The following BNC2 variants were observed in gnomAD, a reference collection of about 807,000 sequenced individuals.
BNC2 encodes the protein zinc finger protein basonuclin-2.
A neutral mutation model predicts 76.3 loss-of-function variants in BNC2; 20 were observed. That is an observed-to-expected ratio of 0.26 (90% confidence interval 0.18 to 0.38). The LOEUF (loss-of-function observed/expected upper bound fraction) is 0.38, where lower values mean the gene tolerates loss of function less well. Among genes scored for constraint, BNC2 ranks in the 10% least tolerant of loss-of-function variants. The pLI is 1.00. For synonymous variants in BNC2, 582 were observed against 514.8 expected, an observed-to-expected ratio of 1.13 and a Z score of -1.77; for missense variants, 1,382 against 1,399.8, an observed-to-expected ratio of 0.99 and a Z score of 0.20.
intron 6 of BNC2, among the ~76,000 whole-genome samples, chr9:16,420,873 C>T (rs1341564692): frequency 2.0e-5 from 3 of 152,108 alleles, no homozygotes; most frequent in Non-Finnish European, 4.4e-5. Flanking sequence ...TGCAAAGGCT[C>T]ACATGTTCAA....
intron 5 of BNC2, among the ~76,000 whole-genome samples, chr9:16,523,475 CAA>C (rs1235558983): frequency 2.2e-5 from 2 of 91,620 alleles, no homozygotes; most frequent in African/African-American, 3.9e-5. Flanking sequence ...CGTCTCAAAA[CAA>C]AAAAAAAAAA....
At chr9:16,826,358 G>A (rs1223643320) in intron 1 of BNC2, among the ~76,000 whole-genome samples, 3 of 151,850 alleles carry the variant, frequency 2.0e-5, no homozygotes, top group African/African-American at 2.4e-5. Flanking sequence ...ATCTTCAGCT[G>A]TCAGACTGTA....
chr9:16,552,335 C>A (rs949682893), intron 5 of BNC2, among the ~76,000 whole-genome samples, 195 bp downstream of exon 5: 3 of 152,154 alleles, frequency 2.0e-5, no homozygotes, highest in African/African-American at 7.2e-5. Flanking sequence ...CCAAGTTTTC[C>A]TTCTAATACA....
intron 3 of BNC2, among the ~76,000 whole-genome samples, chr9:16,586,329 T>C (rs1027573285): frequency 6.6e-6 from 1 of 152,160 alleles, no homozygotes; most frequent in Admixed American, 6.5e-5. Context: ...TGCTTACCTT[T>C]ACCATTGACT....
chr9:16,614,200 C>A (rs1281869218), intron 3 of BNC2, among the ~76,000 whole-genome samples: 1 of 152,166 alleles, frequency 6.6e-6, no homozygotes, highest in East Asian at 1.9e-4. Context: ...CGTAGGGGTA[C>A]ACCCTGAGAT....
At chr9:16,822,429 AAAACGCAGCCTTTT>A in intron 1 of BNC2, among the ~76,000 whole-genome samples, 1 of 152,300 alleles carries the variant, frequency 6.6e-6, no homozygotes, top group African/African-American at 2.4e-5. Context: ...TCTAGATGCA[AAAACGCAGCCTTTT>A]AAACTCTCAG....
chr9:16,549,732 C>A (rs1421376630), intron 5 of BNC2, among the ~76,000 whole-genome samples: 1 of 152,066 alleles, frequency 6.6e-6, no homozygotes, highest in Non-Finnish European at 1.5e-5. Flanking sequence ...AAAGTGGTAA[C>A]AGTTTTGGTG....
intron 3 of BNC2, among the ~76,000 whole-genome samples, chr9:16,647,854 G>A (rs1821679116): frequency 6.6e-6 from 1 of 152,028 alleles, no homozygotes; most frequent in Non-Finnish European, 1.5e-5. Context: ...TTCACTTGTG[G>A]ATTAGCTAGT....
intron 5 of BNC2, among the ~76,000 whole-genome samples, chr9:16,504,038 C>T (rs1822574734): frequency 6.6e-6 from 1 of 152,116 alleles, no homozygotes. Context: ...CCAGCACCTA[C>T]AGGCAAGTCG....
chr9:16,692,516 T>G (rs1446340116), intron 3 of BNC2, among the ~76,000 whole-genome samples: 1 of 152,126 alleles, frequency 6.6e-6, no homozygotes, highest in East Asian at 1.9e-4. Context: ...GTAAAGCACC[T>G]AAGGATTCAG....
chr9:16,691,237 G>A (rs1463286121), intron 3 of BNC2, among the ~76,000 whole-genome samples: 2 of 152,084 alleles, frequency 1.3e-5, no homozygotes, highest in African/African-American at 4.8e-5. Flanking sequence ...AGTAAGGAAG[G>A]GGAGAAATTT....
intron 1 of BNC2, among the ~76,000 whole-genome samples, chr9:16,870,437 A>G (rs1339885884): frequency 1.3e-5 from 2 of 151,628 alleles, no homozygotes; most frequent in African/African-American, 4.8e-5. Flanking sequence ...ACTTGGGGCC[A>G]AGTTTAGGGG....
At chr9:16,639,520 C>T (rs987141135) in intron 3 of BNC2, among the ~76,000 whole-genome samples, 1 of 152,054 alleles carries the variant, frequency 6.6e-6, no homozygotes, top group African/African-American at 2.4e-5. Context: ...ATGTTAGTGC[C>T]TCTTCGTTAA....
chr9:16,753,545 C>G (rs961614597), intron 1 of BNC2, among the ~76,000 whole-genome samples: 1 of 152,206 alleles, frequency 6.6e-6, no homozygotes, highest in African/African-American at 2.4e-5. Context: ...GAGTTGTGTT[C>G]ACTATTGCAT....
intron 1 of BNC2, among the ~76,000 whole-genome samples, chr9:16,750,818 A>G (rs1825169462): frequency 6.6e-6 from 1 of 152,262 alleles, no homozygotes; most frequent in Non-Finnish European, 1.5e-5. Context: ...ATGCTGCCAC[A>G]TATTCAGAAA....
intron 3 of BNC2, among the ~76,000 whole-genome samples, chr9:16,659,403 A>G (rs185199034): frequency 1.3e-5 from 2 of 151,902 alleles, no homozygotes; most frequent in Non-Finnish European, 2.9e-5. Context: ...AGGTCAGGAG[A>G]TTGAGACCAT....
rs1820417543 is a variant in BNC2, at chr9:16,409,543, A to C, written c.*9446T>G. 1 of 152,664 alleles carries C rather than the reference A, an allele frequency of 6.6e-6. No individual in the cohort carries two copies. Among genetic ancestry groups the C allele is most frequent in the African/African-American group, 2.4e-5 (1 of 41,462 alleles). The allele number at this position is 152,664 out of a possible 1,614,324, so 9.5% of individuals were successfully genotyped here. A position where few individuals can be genotyped will look rare whatever the true frequency, so the allele number is the denominator to read the frequency against. ...TCTTTAATATAAAAATTGTACAAGAATTTTGATACAAATTACAAGAGGTAT... is the reference window on the plus strand; with the variant it reads ...TCTTTAATATAAAAATTGTACAAGACTTTTGATACAAATTACAAGAGGTAT... On this transcript the variant is annotated 3_prime_UTR_variant, in exon 7 of 7. Transcript: ENST00000380672.
chr9:16,601,793 A>AATACG (rs1169200662), intron 3 of BNC2, among the ~76,000 whole-genome samples: 2 of 152,174 alleles, frequency 1.3e-5, no homozygotes, highest in African/African-American at 4.8e-5. Context: ...CTAATTTTTC[A>AATACG]ATACGCATTT....
intron 1 of BNC2, among the ~76,000 whole-genome samples, chr9:16,829,806 C>T (rs1818538666): frequency 1.3e-5 from 2 of 152,044 alleles, no homozygotes; most frequent in Non-Finnish European, 2.9e-5. Context: ...AATAAGTAAC[C>T]AAGCTTAAAA....
Sources: gnomAD v4.1 joint callset for allele counts (sites outside exome capture counted in the v4.1 genomes callset) on GRCh38, gnomAD v4.1.1 for gene constraint, MANE v1.5 for transcripts, NCBI Gene and HGNC (gene_info 2026-07-23, HGNC 2026-07-21) for gene names.